The following MRPS33 variants were observed in gnomAD, a reference collection of about 807,000 sequenced individuals.
The protein encoded by MRPS33 is small ribosomal subunit protein mS33.
MRPS33 carries 11 observed loss-of-function variants against 11.2 expected under a neutral mutation model. The observed-to-expected ratio is 0.99, with a 90% CI of 0.62 to 1.63. The LOEUF (loss-of-function observed/expected upper bound fraction) is 1.63. Among genes scored for constraint, MRPS33 ranks in the 40% most tolerant of loss-of-function variants. The probability of loss-of-function intolerance (pLI) is 0.00; values close to 1 mark genes in which losing one functional copy is unlikely to be tolerated. For synonymous variants in MRPS33, 46 were observed against 44.0 expected (o/e 1.05, Z -0.18); for missense variants, 109 against 127.8 (o/e 0.85, Z 0.71).
Position 141,004,453 on chromosome 7 carries a change from A to T in MRPS33, c.*1977T>A, listed in dbSNP as rs2129163755. The stretch of plus-strand genomic sequence containing the variant: ...TGGATTAGGTATCTTTAAAAATAGC[A>T]TTCATTTAAACATATGTACTGGGAA... On this transcript the variant is annotated 3_prime_UTR_variant, in exon 3 of 3. Transcript: ENST00000324787. 1 of 152,322 alleles carries T rather than the reference A, an allele frequency of 6.6e-6. No individual in the cohort carries two copies. The highest frequency in any genetic ancestry group is 3.4e-3 in the Middle Eastern group (1 of 294). 9.4% of individuals were successfully genotyped at this position (152,322 alleles called of 1,614,324 possible). A position where few individuals can be genotyped will look rare whatever the true frequency, so the allele number is the denominator to read the frequency against.
At position 141,008,824 on chromosome 7, in the gene MRPS33, C is replaced by T. The variant is rs182058894; in HGVS notation, c.215+1595G>A. 2.0e-3 allele frequency among the ~76,000 whole-genome samples: 293 copies of T among 147,690 alleles called. 3 individuals carry two copies. The highest frequency in any genetic ancestry group is 6.5e-3 in the African/African-American group (262 of 40,144). The stretch of plus-strand genomic sequence containing the variant: ...TAATTTTTTTTTTTTTTTTTGAGAC[C>T]GAATCTCGCTCTGTTGCTGGAGTGC... On this transcript the variant is annotated intron_variant, in intron 2 of 2. Transcript: ENST00000324787.
At position 141,006,375 on chromosome 7, in the gene MRPS33, G is replaced by T; in HGVS notation, c.*55C>A. The T allele has an allele frequency of 7.1e-7, 1 of 1,413,848 alleles. No individual in the cohort carries two copies. Among genetic ancestry groups the T allele is most frequent in the Non-Finnish European group, 9.9e-7 (1 of 1,009,014 alleles). The allele number at this position is 1,413,848 out of a possible 1,614,324, so 87.6% of individuals were successfully genotyped here. On this transcript the variant is annotated 3_prime_UTR_variant, in exon 3 of 3. Transcript: ENST00000324787. ...TCCAATAGGTGGAAAGACAATAAAT[G>T]CACTTTCTTCTCTCCGCCACTGAGG...
chr7:141,008,406 C>T (rs940491005), intron 2 of MRPS33, among the ~76,000 whole-genome samples: 10 of 152,176 alleles, frequency 6.6e-5, no homozygotes, highest in African/African-American at 2.4e-4. Flanking sequence ...TGAGCCCAGA[C>T]TAATGGCAAG....
chr7:141,011,638 T>G (rs1490048471), intron 1 of MRPS33, among the ~76,000 whole-genome samples: 1 of 152,054 alleles, frequency 6.6e-6, no homozygotes, highest in Admixed American at 6.6e-5. Flanking sequence ...TGAGAATCTT[T>G]GCTGACTCAG....
At chr7:141,012,026 C>A (rs998296649) in intron 1 of MRPS33, among the ~76,000 whole-genome samples, 39 of 150,606 alleles carry the variant, frequency 2.6e-4, no homozygotes, top group African/African-American at 9.0e-4. Context: ...GAAAATTAGT[C>A]TGCTATGGTA....
At chr7:141,008,925 G>C (rs1820603551) in intron 2 of MRPS33, among the ~76,000 whole-genome samples, 1 of 151,624 alleles carries the variant, frequency 6.6e-6, no homozygotes, top group African/African-American at 2.4e-5. Flanking sequence ...CTCCCAAGTA[G>C]CTGGGATTAC....
At chr7:141,006,577 G>A (rs929206038) in intron 2 of MRPS33, 42 bp from the exon 3 acceptor site, 11 of 1,515,378 alleles carry the variant, frequency 7.3e-6, no homozygotes, top group African/African-American at 2.7e-5. Context: ...TTATTTTTAC[G>A]AGTAGAAAAG....
chr7:141,014,768 T>C (rs1054016941), intron 1 of MRPS33, 143 bp downstream of exon 1: 3 of 152,182 alleles, frequency 2.0e-5, no homozygotes, highest in Non-Finnish European at 2.9e-5. Flanking sequence ...AAGTTATTTG[T>C]GTGATGCACG....
intron 1 of MRPS33, among the ~76,000 whole-genome samples, chr7:141,011,630 A>G (rs983104243): frequency 6.6e-6 from 1 of 152,144 alleles, no homozygotes; most frequent in Non-Finnish European, 1.5e-5. Context: ...TAGTGAGATG[A>G]GAATCTTTGC....
chr7:141,012,617 G>A (rs921217900), intron 1 of MRPS33, among the ~76,000 whole-genome samples: 1 of 152,072 alleles, frequency 6.6e-6, no homozygotes, highest in African/African-American at 2.4e-5. Context: ...AAAAACAATA[G>A]TTGCTTCATC....
intron 1 of MRPS33, chr7:141,014,422 A>G (rs1299755431): frequency 1.3e-5 from 2 of 152,238 alleles, no homozygotes; most frequent in African/African-American, 4.8e-5. Context: ...GTTCATCAAG[A>G]ACAATCTTCA....
rs1820476676 is a variant in MRPS33, at chr7:141,004,478, A to T, written c.*1952T>A. On this transcript the variant is annotated 3_prime_UTR_variant, in exon 3 of 3. Coordinates refer to ENST00000324787, the MANE Select transcript of MRPS33 (RefSeq NM_053035.3). ...ATTCATTTAAACATATGTACTGGGAATCTTTCTACTTCAGGAATCATTGAG... is the reference window on the plus strand; with the variant it reads ...ATTCATTTAAACATATGTACTGGGATTCTTTCTACTTCAGGAATCATTGAG... 6.6e-6 allele frequency: 1 copy of T among 152,214 alleles called. No homozygotes were observed. The highest frequency in any genetic ancestry group is 1.5e-5 in the Non-Finnish European group (1 of 68,034). The allele number at this position is 152,214 out of a possible 1,614,324, so 9.4% of individuals were successfully genotyped here.
At chr7:141,009,979 T>A (rs1820633761) in intron 2 of MRPS33, 2 of 159,470 alleles carry the variant, frequency 1.3e-5, no homozygotes, top group South Asian at 3.6e-4. Context: ...AATTTTTGTA[T>A]TTTTAGTAGA....
rs1248738335 is a variant in MRPS33, at chr7:141,006,360, G to A, written c.*70C>T. On this transcript the variant is annotated 3_prime_UTR_variant, in exon 3 of 3. Coordinates refer to ENST00000324787, the MANE Select transcript of MRPS33 (RefSeq NM_053035.3). ...GGAAGATGACATTCCTCCAATAGGT[G>A]GAAAGACAATAAATGCACTTTCTTC... 18 of 1,317,616 alleles carry A rather than the reference G, an allele frequency of 1.4e-5. No individual in the cohort carries two copies. Among genetic ancestry groups the A allele is most frequent in the Non-Finnish European group, 4.3e-6 (4 of 926,050 alleles). The allele number at this position is 1,317,616 out of a possible 1,614,324, so 81.6% of individuals were successfully genotyped here.
intron 2 of MRPS33, among the ~76,000 whole-genome samples, chr7:141,009,495 C>T (rs1206830738): frequency 6.6e-6 from 1 of 152,048 alleles, no homozygotes; most frequent in African/African-American, 2.4e-5. Flanking sequence ...GACATACACA[C>T]ACATACAAAC....
In MRPS33 at chr7:141,010,641, G is replaced by A. The variant is rs764469345; in HGVS notation, c.-8C>T. ...TTCTGAAAGGGAGGACATTTCTTGA[G>A]TGGCAAGGAGTTAGAGTTCCTATTG... is the stretch of plus-strand genomic sequence containing the variant. On this transcript the variant is annotated 5_prime_UTR_variant, in exon 2 of 3. Coordinates refer to ENST00000324787, the MANE Select transcript of MRPS33 (RefSeq NM_053035.3). 1.9e-6 allele frequency: 3 copies of A among 1,611,814 alleles called. No individual in the cohort carries two copies. The highest frequency in any genetic ancestry group is 2.5e-6 in the Non-Finnish European group (3 of 1,177,994).
rs190663986 is a variant in MRPS33, at chr7:141,004,566, G to A, written c.*1864C>T. 41 of 152,060 alleles carry A rather than the reference G, an allele frequency of 2.7e-4. No homozygotes were observed. Among genetic ancestry groups the A allele is most frequent in the African/African-American group, 6.5e-4 (27 of 41,460 alleles). 9.4% of individuals were successfully genotyped at this position (152,060 alleles called of 1,614,324 possible). On this transcript the variant is annotated 3_prime_UTR_variant, in exon 3 of 3. Transcript: ENST00000324787. ...TATACATACTCCAATAAATACTATCGCACTAAAATGCTTTTATATTTTGAT... is the reference window on the plus strand; with the variant it reads ...TATACATACTCCAATAAATACTATCACACTAAAATGCTTTTATATTTTGAT...
intron 1 of MRPS33, among the ~76,000 whole-genome samples, chr7:141,012,173 C>CAAAAATAAA (rs1820691159): frequency 1.7e-5 from 1 of 58,782 alleles, no homozygotes; most frequent in Non-Finnish European, 2.8e-5. Flanking sequence ...GATTGTGTGT[C>CAAAAATAAA]AAAAAAAAAA....
At chr7:141,009,375 G>A (rs1820615879) in intron 2 of MRPS33, among the ~76,000 whole-genome samples, 1 of 151,778 alleles carries the variant, frequency 6.6e-6, no homozygotes, top group Non-Finnish European at 1.5e-5. Context: ...CAGATGATCT[G>A]TCTGCCTCGG....
Sources: allele counts gnomAD v4.1 joint callset (sites outside exome capture counted in the v4.1 genomes callset), GRCh38; gene constraint gnomAD v4.1.1; transcripts MANE v1.5; gene names NCBI Gene and HGNC (gene_info 2026-07-23, HGNC 2026-07-21).